The following CDC42BPB variants were observed in gnomAD, a reference collection of about 807,000 sequenced individuals.
The protein encoded by CDC42BPB is CDC42 binding protein kinase beta.
A neutral mutation model predicts 214.9 loss-of-function variants in CDC42BPB; 37 were observed. The observed-to-expected ratio is 0.17, with a 90% CI of 0.13 to 0.23. CDC42BPB has a LOEUF of 0.23. Ranked by LOEUF, CDC42BPB falls within the 10% of genes least tolerant of loss-of-function variation. The pLI is 1.00. For missense variants in CDC42BPB, 1,694 were observed against 2,227.0 expected (o/e 0.76, Z 4.82); for synonymous variants, 931 against 884.0 (o/e 1.05, Z -0.94).
chr14:103,047,874 G>C (rs1426156966), intron 1 of CDC42BPB, among the ~76,000 whole-genome samples: 1 of 141,564 alleles, frequency 7.1e-6, no homozygotes, highest in African/African-American at 2.8e-5. Context: ...CTGCACTCCA[G>C]CCTGGGCAAC....
At chr14:103,032,241 G>A (rs1364922376) in intron 1 of CDC42BPB, among the ~76,000 whole-genome samples, 2 of 152,094 alleles carry the variant, frequency 1.3e-5, no homozygotes, top group African/African-American at 2.4e-5. Flanking sequence ...AGGTAATAAC[G>A]CACTTCTCGG....
At chr14:103,031,690 C>G in intron 1 of CDC42BPB, among the ~76,000 whole-genome samples, 1 of 152,164 alleles carries the variant, frequency 6.6e-6, no homozygotes, top group East Asian at 1.9e-4. Flanking sequence ...CAGGAAGGGC[C>G]TGGGGCTCCC....
chr14:103,006,113 G>C lies in CDC42BPB; in HGVS notation c.352-2090C>G, dbSNP rs116782605. Among the ~76,000 whole-genome samples the C allele has an allele frequency of 4.6e-3, 701 of 151,920 alleles. 10 individuals are homozygous for C. The highest frequency in any genetic ancestry group is 0.016 in the African/African-American group (659 of 41,376). On this transcript the variant is annotated intron_variant, in intron 3 of 36. Transcript: ENST00000361246. The stretch of plus-strand genomic sequence containing the variant: ...TCAACATTCAGCTTGCTAATGTCCA[G>C]ACATGCAGAGACCAGCAATTCTGGA...
intron 24 of CDC42BPB, 87 bp from the exon 25 acceptor site, chr14:102,950,689 T>A: frequency 7.2e-7 from 1 of 1,396,568 alleles, no homozygotes; most frequent in Non-Finnish European, 9.3e-7. Flanking sequence ...GGCAATTTAA[T>A]AATCACCAGG....
chr14:102,944,734 A>C lies in CDC42BPB; in HGVS notation c.3812-247T>G. The stretch of plus-strand genomic sequence containing the variant: ...GGGGCAGCCTCGGGGGCTGGTCCAA[A>C]GGCTCCTCTGCCTCTGCTGCTGTGC... On this transcript the variant is annotated intron_variant, in intron 29 of 36. Transcript: ENST00000361246. The surrounding 1 kb of genome is among the most constrained non-coding windows in gnomAD (Gnocchi z 6.6). The C allele has an allele frequency of 1.1e-6, 1 of 911,828 alleles. No individual in the cohort carries two copies. Among genetic ancestry groups the C allele is most frequent in the Non-Finnish European group, 1.3e-6 (1 of 763,056 alleles). The allele number at this position is 911,828 out of a possible 1,614,324, so 56.5% of individuals were successfully genotyped here.
intron 1 of CDC42BPB, chr14:103,041,594 CCCA>C: frequency 1.1e-6 from 1 of 922,904 alleles, no homozygotes; most frequent in Non-Finnish European, 1.7e-6. Context: ...GCTAAAGTGC[CCCA>C]CATTGCCCTG....
chr14:103,036,153 CTTTTTTTTTTTT>C lies in CDC42BPB; in HGVS notation c.175+20834_175+20845del, dbSNP rs564909240. Among the ~76,000 whole-genome samples the C allele has an allele frequency of 3.2e-4, 44 of 135,966 alleles. 3 individuals are homozygous for C. Among genetic ancestry groups the C allele is most frequent in the Admixed American group, 3.0e-3 (41 of 13,578 alleles). 89.2% of individuals were successfully genotyped at this position (135,966 alleles called of 152,430 possible). ...AAAAATAAAAATAAAATAAAATATT[CTTTTTTTTTTTT>C]TTTTTGAGTGGGAGTCTCGCTCTGT... On this transcript the variant is annotated intron_variant, in intron 1 of 36. Transcript: ENST00000361246.
At chr14:103,008,212 T>C (rs1175030951) in intron 3 of CDC42BPB, among the ~76,000 whole-genome samples, 1 of 152,210 alleles carries the variant, frequency 6.6e-6, no homozygotes, top group Admixed American at 6.5e-5. Flanking sequence ...TTATTTGCCT[T>C]TACAGTAAAC....
intron 7 of CDC42BPB, among the ~76,000 whole-genome samples, chr14:102,983,233 G>A (rs1471648781): frequency 3.3e-5 from 5 of 152,264 alleles, no homozygotes; most frequent in African/African-American, 9.6e-5. Flanking sequence ...CAGACGACGC[G>A]TCTGTCTACA....
rs942045972 is a variant in CDC42BPB at position 102,989,455 on chromosome 14, T to G, written c.597-2875A>C. On this transcript the variant is annotated intron_variant, in intron 5 of 36. Transcript: ENST00000361246. Reference sequence around the variant, plus strand: ...ACAAAAACCACCTTGCACAAGGGTATTTATTTCTACATTTATAATTGCAAA... The same window carrying G: ...ACAAAAACCACCTTGCACAAGGGTAGTTATTTCTACATTTATAATTGCAAA... 2.2e-4 allele frequency among the ~76,000 whole-genome samples: 33 copies of G among 152,270 alleles called. 1 individual carries two copies. The highest frequency in any genetic ancestry group is 1.7e-3 in the Admixed American group (26 of 15,292).
In CDC42BPB at chr14:102,973,106, A is replaced by C. The variant is rs532698176; in HGVS notation, c.1641+910T>G. 2.0e-5 allele frequency among the ~76,000 whole-genome samples: 3 copies of C among 152,306 alleles called. No homozygotes were observed. In the East Asian group the frequency reaches 5.8e-4, roughly 29 times the overall value. On this transcript the variant is annotated intron_variant, in intron 12 of 36. Coordinates refer to ENST00000361246, the MANE Select transcript of CDC42BPB (RefSeq NM_006035.4). ...CACCTGCTGGTCTGAGATGGAAGTGACAAGACCCTGAGCAAGCTGGCAGGG... is the reference window on the plus strand; with the variant it reads ...CACCTGCTGGTCTGAGATGGAAGTGCCAAGACCCTGAGCAAGCTGGCAGGG...
At chr14:102,983,510 G>A (rs1453696202) in intron 7 of CDC42BPB, 46 bp downstream of exon 7, 4 of 1,594,036 alleles carry the variant, frequency 2.5e-6, no homozygotes, top group Non-Finnish European at 3.4e-6. Flanking sequence ...CTGTACTTTA[G>A]GCCTGAGCCA....
At chr14:102,971,031 A>G (rs1226125827) in intron 13 of CDC42BPB, among the ~76,000 whole-genome samples, 1 of 152,238 alleles carries the variant, frequency 6.6e-6, no homozygotes, top group Non-Finnish European at 1.5e-5. Context: ...AGGGCGGCAC[A>G]GGGCTGCAAA....
chr14:102,945,097 C>T (rs973015878), intron 29 of CDC42BPB: 6 of 362,144 alleles, frequency 1.7e-5, no homozygotes, highest in Admixed American at 9.9e-5. Context: ...CCTCGCCCAG[C>T]GGCTGCCCCG....
Position 102,933,636 on chromosome 14 carries a change from G to T in CDC42BPB, c.*76C>A. Reference sequence around the variant, plus strand: ...ATTCTACATTTCCTTGGACAACACTGGAGGGCCCGCTCAGTCTTGGCACTG... The same window carrying T: ...ATTCTACATTTCCTTGGACAACACTTGAGGGCCCGCTCAGTCTTGGCACTG... On this transcript the variant is annotated 3_prime_UTR_variant, in exon 37 of 37. Coordinates refer to ENST00000361246, the MANE Select transcript of CDC42BPB (RefSeq NM_006035.4). The T allele has an allele frequency of 8.4e-7, 1 of 1,195,992 alleles. No individual in the cohort carries two copies. The highest frequency in any genetic ancestry group is 1.6e-5 in the African/African-American group (1 of 62,418). The allele number at this position is 1,195,992 out of a possible 1,614,324, so 74.1% of individuals were successfully genotyped here.
chr14:102,944,497 G>A lies in CDC42BPB; in HGVS notation c.3812-10C>T. 1 of 1,607,106 alleles carries A rather than the reference G, an allele frequency of 6.2e-7. No individual in the cohort carries two copies. The highest frequency in any genetic ancestry group is 1.7e-5 in the Admixed American group (1 of 59,800). Reference sequence around the variant, plus strand: ...GCGGCACGGACGATCACTGTGGCAAGGAGGACAAGAGCGTGAGGCCGACGG... The same window carrying A: ...GCGGCACGGACGATCACTGTGGCAAAGAGGACAAGAGCGTGAGGCCGACGG... On this transcript the variant is annotated splice_polypyrimidine_tract_variant and intron_variant, in intron 29 of 36. Coordinates refer to ENST00000361246, the MANE Select transcript of CDC42BPB (RefSeq NM_006035.4). The surrounding 1 kb of genome is among the most constrained non-coding windows in gnomAD (Gnocchi z 6.6).
At chr14:103,055,309 G>A (rs573567824) in intron 1 of CDC42BPB, among the ~76,000 whole-genome samples, 1 of 152,310 alleles carries the variant, frequency 6.6e-6, no homozygotes, top group African/African-American at 2.4e-5. Flanking sequence ...TGTAGTCCCA[G>A]CTACTCGGGA....
chr14:102,946,313 GCA>G, intron 28 of CDC42BPB, among the ~76,000 whole-genome samples, 153 bp downstream of exon 28: 1 of 56,550 alleles, frequency 1.8e-5, no homozygotes, highest in Middle Eastern at 7.6e-3. Flanking sequence ...GTGAGCCACC[GCA>G]CCCGGCCTCG....
At chr14:102,958,520 C>G (rs892048130) in intron 21 of CDC42BPB, among the ~76,000 whole-genome samples, 1 of 152,154 alleles carries the variant, frequency 6.6e-6, no homozygotes, top group Non-Finnish European at 1.5e-5. Context: ...CTCCAATATG[C>G]TTTGCGTGCT....
Sources: gnomAD v4.1 joint callset for allele counts (sites outside exome capture counted in the v4.1 genomes callset) on GRCh38, gnomAD v4.1.1 for gene constraint, Gnocchi (gnomAD v3.1) non-coding constraint, MANE v1.5 for transcripts, NCBI Gene and HGNC (gene_info 2026-07-23, HGNC 2026-07-21) for gene names.